Variants in CDH10 observed in about 807,000 individuals in gnomAD.
The protein encoded by CDH10 is cadherin 10.
CDH10 carries 30 observed loss-of-function variants against 73.1 expected under a neutral mutation model. The observed-to-expected ratio is 0.41, with a 90% CI of 0.31 to 0.56. CDH10 has a LOEUF of 0.56. Ranked by LOEUF, CDH10 falls within the 20% of genes least tolerant of loss-of-function variation. The pLI is 0.27. For missense variants in CDH10, 815 were observed against 973.7 expected (o/e 0.84, Z 2.17); for synonymous variants, 345 against 348.2 (o/e 0.99, Z 0.10).
intron 5 of CDH10, among the ~76,000 whole-genome samples, chr5:24,532,125 T>C (rs1401305536): frequency 6.6e-6 from 1 of 152,062 alleles, no homozygotes; most frequent in Non-Finnish European, 1.5e-5. Context: ...GCAAGATATC[T>C]GAGTTTTCAT....
At chr5:24,550,660 T>A (rs1245080854) in intron 2 of CDH10, among the ~76,000 whole-genome samples, 1 of 152,134 alleles carries the variant, frequency 6.6e-6, no homozygotes, top group Non-Finnish European at 1.5e-5. Context: ...ACAATTTGGG[T>A]AAGAATACTT....
chr5:24,504,458 G>C (rs977464931), intron 8 of CDH10, among the ~76,000 whole-genome samples: 5 of 139,724 alleles, frequency 3.6e-5, no homozygotes, highest in Non-Finnish European at 7.6e-5. Context: ...CTTTGTGAGA[G>C]CTCCTGTGTC....
At chr5:24,637,813 T>C (rs904270814) in intron 1 of CDH10, among the ~76,000 whole-genome samples, 2 of 151,890 alleles carry the variant, frequency 1.3e-5, no homozygotes, top group Admixed American at 6.6e-5. Flanking sequence ...CTAAGTACTA[T>C]CAAAAATTTC....
At chr5:24,508,646 G>GTAACTAACCTATAGTCCCATCTTATAA (rs1742784631) in intron 7 of CDH10, among the ~76,000 whole-genome samples, 2 of 147,812 alleles carry the variant, frequency 1.4e-5, no homozygotes, top group African/African-American at 5.3e-5. Flanking sequence ...AACCTCCTGA[G>GTAACTAACCTATAGTCCCATCTTATAA]TAGATGGGAC....
chr5:24,622,810 G>A (rs1054546803), intron 1 of CDH10, among the ~76,000 whole-genome samples: 6 of 151,978 alleles, frequency 3.9e-5, no homozygotes, highest in African/African-American at 1.5e-4. Flanking sequence ...CTAATGTCAG[G>A]TTTATATTTT....
chr5:24,640,395 G>C (rs1197512783), intron 1 of CDH10, among the ~76,000 whole-genome samples: 1 of 151,692 alleles, frequency 6.6e-6, no homozygotes, highest in Non-Finnish European at 1.5e-5. Context: ...ATTTATTGCT[G>C]AATTTCCTGT....
intron 2 of CDH10, among the ~76,000 whole-genome samples, chr5:24,590,021 G>A (rs952321669): frequency 6.6e-6 from 1 of 151,954 alleles, no homozygotes; most frequent in Admixed American, 6.6e-5. Context: ...CCAGTATACA[G>A]GAAGATTCTT....
chr5:24,526,870 TA>T (rs1743552394), intron 5 of CDH10, among the ~76,000 whole-genome samples: 2 of 151,836 alleles, frequency 1.3e-5, no homozygotes, highest in African/African-American at 4.8e-5. Flanking sequence ...TCTTATCTCA[TA>T]ATCTCACCTC....
At chr5:24,539,334 G>C (rs372870053) in intron 2 of CDH10, among the ~76,000 whole-genome samples, 1 of 151,762 alleles carries the variant, frequency 6.6e-6, no homozygotes, top group East Asian at 1.9e-4. Context: ...TTAATTGAAA[G>C]GTTCTTTTTT....
intron 2 of CDH10, among the ~76,000 whole-genome samples, chr5:24,566,523 G>C (rs10473700): frequency 0.93 from 141,421 of 152,182 alleles, 66,091 homozygotes; most frequent in East Asian, 1. Flanking sequence ...AATAACCGAA[G>C]AGAATTGATC....
chr5:24,537,239 CCTAAAAGAAAAAATAAATAAATATGTA>C, intron 3 of CDH10, 114 bp downstream of exon 3: 1 of 564,266 alleles, frequency 1.8e-6, no homozygotes. Flanking sequence ...CTGATTGTCT[CCTAAAAGAAAAAATAAATAAATATGTA>C]CTCATGGTAG....
intron 1 of CDH10, among the ~76,000 whole-genome samples, chr5:24,624,507 A>G (rs1747425795): frequency 6.6e-6 from 1 of 152,128 alleles, no homozygotes; most frequent in Non-Finnish European, 1.5e-5. Context: ...TAGGTCCTAG[A>G]AAGTTTCCGT....
At chr5:24,516,286 T>A (rs1321098791) in intron 5 of CDH10, among the ~76,000 whole-genome samples, 1 of 152,278 alleles carries the variant, frequency 6.6e-6, no homozygotes, top group East Asian at 1.9e-4. Context: ...TTAAGTCAAT[T>A]AGGTGTTTCT....
At chr5:24,516,443 A>G (rs1401295390) in intron 5 of CDH10, among the ~76,000 whole-genome samples, 2 of 151,250 alleles carry the variant, frequency 1.3e-5, no homozygotes, top group East Asian at 3.9e-4. Context: ...ACTGGCAACA[A>G]TTAATACCAC....
chr5:24,633,041 A>G (rs1460015588), intron 1 of CDH10, among the ~76,000 whole-genome samples: 1 of 151,886 alleles, frequency 6.6e-6, no homozygotes, highest in Non-Finnish European at 1.5e-5. Flanking sequence ...TTGTGCTTAT[A>G]TATTCCTATG....
At chr5:24,506,326 A>G (rs1178120829) in intron 7 of CDH10, among the ~76,000 whole-genome samples, 1 of 152,210 alleles carries the variant, frequency 6.6e-6, no homozygotes, top group East Asian at 1.9e-4. Context: ...TAGTTTAAAT[A>G]GATCCCATTA....
At chr5:24,510,883 AAT>A (rs1742878459) in intron 6 of CDH10, among the ~76,000 whole-genome samples, 2 of 152,182 alleles carry the variant, frequency 1.3e-5, no homozygotes, top group Non-Finnish European at 2.9e-5. Flanking sequence ...TGAACAATTA[AAT>A]TATGTTCCAA....
At chr5:24,624,036 T>C (rs1356633208) in intron 1 of CDH10, among the ~76,000 whole-genome samples, 1 of 152,142 alleles carries the variant, frequency 6.6e-6, no homozygotes, top group Non-Finnish European at 1.5e-5. Context: ...CATAGCCAGA[T>C]ACCCACACAG....
At chr5:24,612,901 A>G (rs1354739892) in intron 1 of CDH10, 1 of 152,112 alleles carries the variant, frequency 6.6e-6, no homozygotes, top group African/African-American at 2.4e-5. Context: ...TGTATTTTCA[A>G]TTTTTTAAAA....
Sources: gnomAD v4.1 joint callset for allele counts (sites outside exome capture counted in the v4.1 genomes callset) on GRCh38, gnomAD v4.1.1 for gene constraint, MANE v1.5 for transcripts, NCBI Gene and HGNC (gene_info 2026-07-23, HGNC 2026-07-21) for gene names.